Variants in NFIC observed in about 807,000 individuals in gnomAD.
NFIC encodes nuclear factor 1 C-type.
NFIC carries 12 observed loss-of-function variants against 54.4 expected under a neutral mutation model. That is an observed-to-expected ratio of 0.22 (90% CI 0.14 to 0.36). The LOEUF is 0.36. Ranked by LOEUF, NFIC falls within the 10% of genes least tolerant of loss-of-function variation. The probability of loss-of-function intolerance (pLI) is 1.00; values close to 1 mark genes in which losing one functional copy is unlikely to be tolerated. For missense variants in NFIC, 575 were observed against 718.2 expected (o/e 0.80, Z 2.28); for synonymous variants, 322 against 319.2 (o/e 1.01, Z -0.09).
chr19:3,374,654 A>G (rs1036770939), intron 1 of NFIC, among the ~76,000 whole-genome samples: 6 of 152,122 alleles, frequency 3.9e-5, no homozygotes, highest in African/African-American at 1.4e-4. Context: ...AGGAGGGGAC[A>G]CTAGAGATAG....
chr19:3,457,224 C>A (rs777619489), intron 10 of NFIC, among the ~76,000 whole-genome samples: 12 of 152,096 alleles, frequency 7.9e-5, no homozygotes, highest in Non-Finnish European at 1.6e-4. Flanking sequence ...CAGGGGCCAG[C>A]GTTCATGTTC....
At chr19:3,362,436 C>T (rs1439064402), upstream of NFIC, among the ~76,000 whole-genome samples, 4 of 151,372 alleles carry the variant, frequency 2.6e-5, no homozygotes, top group South Asian at 2.1e-4. Context: ...TGTCTCTGCT[C>T]GCCCCTCTTT....
chr19:3,394,521 C>A (rs867104085), intron 2 of NFIC, among the ~76,000 whole-genome samples: 8 of 55,730 alleles, frequency 1.4e-4, no homozygotes, highest in African/African-American at 9.6e-4. Flanking sequence ...TTTTCCCCAC[C>A]CACCCCCCAC....
At chr19:3,360,535 C>G (rs957173718) in intron 1 of NFIC, among the ~76,000 whole-genome samples, 5 of 151,960 alleles carry the variant, frequency 3.3e-5, no homozygotes, top group Non-Finnish European at 7.4e-5. Context: ...GCATTGGCAT[C>G]TGGGGGAGCG....
At chr19:3,366,563 G>GGGGGGGGGGGGGGGGGGC, upstream of NFIC, 1 of 782,874 alleles carries the variant, frequency 1.3e-6, no homozygotes, top group Non-Finnish European at 1.9e-6. Context: ...GGGCGGGGGG[G>GGGGGGGGGGGGGGGGGGC]TGGTTTGGAA....
At chr19:3,445,004 CACAT>C (rs1036279787) in intron 6 of NFIC, among the ~76,000 whole-genome samples, 8 of 151,876 alleles carry the variant, frequency 5.3e-5, no homozygotes, top group African/African-American at 1.9e-4. Context: ...CGCATTCACA[CACAT>C]AGACACGTGC....
intron 10 of NFIC, among the ~76,000 whole-genome samples, chr19:3,462,189 C>G (rs2082651231): frequency 6.6e-6 from 1 of 151,970 alleles, no homozygotes; most frequent in South Asian, 2.1e-4. Flanking sequence ...TGAGACCAGC[C>G]TGGCCAACAT....
intron 3 of NFIC, 104 bp from the exon 4 acceptor site, chr19:3,433,414 C>G: frequency 1.7e-6 from 2 of 1,180,756 alleles, no homozygotes; most frequent in South Asian, 1.3e-5. Context: ...ACAGGGGGAA[C>G]GTCCAGGCTC....
chr19:3,432,094 C>T (rs980594766), intron 3 of NFIC, among the ~76,000 whole-genome samples: 1 of 152,118 alleles, frequency 6.6e-6, no homozygotes, highest in African/African-American at 2.4e-5. Flanking sequence ...CTGTTGAGTC[C>T]ATGAATCCCT....
At chr19:3,360,537 G>A (rs988301113) in intron 1 of NFIC, among the ~76,000 whole-genome samples, 1 of 152,024 alleles carries the variant, frequency 6.6e-6, no homozygotes, top group Admixed American at 6.5e-5. Context: ...ATTGGCATCT[G>A]GGGGAGCGTC....
intron 2 of NFIC, among the ~76,000 whole-genome samples, chr19:3,404,013 C>A (rs1172109736): frequency 2.6e-5 from 4 of 151,294 alleles, no homozygotes; most frequent in Admixed American, 1.3e-4. Context: ...TTCTCCACCC[C>A]CCCAGCCCCT....
chr19:3,379,710 G>T, intron 1 of NFIC, among the ~76,000 whole-genome samples: 2 of 123,844 alleles, frequency 1.6e-5, no homozygotes, highest in South Asian at 5.1e-4. Flanking sequence ...TCAGGAGTCA[G>T]GGGTCTCACT....
At chr19:3,434,936 C>A in intron 5 of NFIC, 147 bp from the exon 6 acceptor site, 1 of 1,135,254 alleles carries the variant, frequency 8.8e-7, no homozygotes, top group Non-Finnish European at 1.2e-6. Flanking sequence ...AGGGAACGGG[C>A]TGAACGCCCG....
intron 2 of NFIC, among the ~76,000 whole-genome samples, chr19:3,383,077 C>T (rs1000880988): frequency 1.3e-5 from 2 of 152,020 alleles, no homozygotes; most frequent in Non-Finnish European, 2.9e-5. Context: ...TTGGGCACAA[C>T]GGACGGCCTT....
At chr19:3,390,300 C>T (rs777372461) in intron 2 of NFIC, among the ~76,000 whole-genome samples, 4 of 152,180 alleles carry the variant, frequency 2.6e-5, no homozygotes, top group African/African-American at 7.2e-5. Flanking sequence ...GGGCGTGAGT[C>T]GCAGACGCCA....
chr19:3,390,844 T>C (rs1170652271), intron 2 of NFIC, among the ~76,000 whole-genome samples: 1 of 47,776 alleles, frequency 2.1e-5, no homozygotes, highest in East Asian at 4.2e-4. Flanking sequence ...GAAAGTAGGA[T>C]GGGGGGTGCC....
At chr19:3,449,174 C>T (rs974875092) in intron 7 of NFIC, 35 bp downstream of exon 7, 10 of 1,597,160 alleles carry the variant, frequency 6.3e-6, no homozygotes, top group Admixed American at 5.3e-5. Context: ...GGAGGGGCGG[C>T]GGGCCCTCCT....
chr19:3,464,189 CCCAGCTGCGGGA>C lies in NFIC; in HGVS notation c.*1422_*1433del. 3 of 985,408 alleles carry C rather than the reference CCCAGCTGCGGGA, an allele frequency of 3.0e-6. No homozygotes were observed. Among genetic ancestry groups the C allele is most frequent in the Non-Finnish European group, 3.6e-6 (3 of 829,908 alleles). 61.0% of individuals were successfully genotyped at this position (985,408 alleles called of 1,614,324 possible). A position where few individuals can be genotyped will look rare whatever the true frequency, so the allele number is the denominator to read the frequency against. On this transcript the variant is annotated 3_prime_UTR_variant, in exon 11 of 11. Transcript: ENST00000443272. ...TTTCATCGCCTACCCCGACGCGGGG[CCCAGCTGCGGGA>C]CGTGCATCACGGCTGGGCCCCCAGA...
chr19:3,387,575 G>C (rs1159532074), intron 2 of NFIC, among the ~76,000 whole-genome samples: 2 of 152,146 alleles, frequency 1.3e-5, no homozygotes, highest in African/African-American at 4.8e-5. Context: ...CATGGAGGGG[G>C]GCTGGGGGCC....
Sources: gnomAD v4.1 joint callset for allele counts (sites outside exome capture counted in the v4.1 genomes callset) on GRCh38, gnomAD v4.1.1 for gene constraint, MANE v1.5 for transcripts, NCBI Gene and HGNC (gene_info 2026-07-23, HGNC 2026-07-21) for gene names.